FUT8: variants seen among roughly 807,000 people sequenced by gnomAD.
FUT8 encodes the protein fucosyltransferase 8, also known as alpha-(1,6)-fucosyltransferase.
FUT8 carries 29 observed loss-of-function variants against 71.3 expected under a neutral mutation model. The observed-to-expected ratio is 0.41, with a 90% CI of 0.30 to 0.55. The LOEUF (loss-of-function observed/expected upper bound fraction) is 0.55, where lower values mean the gene tolerates loss of function less well. Among genes scored for constraint, FUT8 ranks in the 20% least tolerant of loss-of-function variants. The pLI is 0.34. For synonymous variants in FUT8, 254 were observed against 239.3 expected, an observed-to-expected ratio of 1.06 and a Z score of -0.57; for missense variants, 544 against 702.1, an observed-to-expected ratio of 0.77 and a Z score of 2.55.
chr14:65,720,433 C>T (rs1895357050), intron 7 of FUT8, among the ~76,000 whole-genome samples: 1 of 152,318 alleles, frequency 6.6e-6, no homozygotes, highest in East Asian at 1.9e-4. Flanking sequence ...TCAGGAACCC[C>T]AAGAGCCCAC....
upstream of FUT8, chr14:65,412,493 C>A (rs569417300): frequency 5.4e-6 from 2 of 368,444 alleles, no homozygotes; most frequent in Admixed American, 3.5e-5. Flanking sequence ...GGGCGGCCTA[C>A]GCCTGTGTGC....
At position 65,413,476 on chromosome 14, in the gene FUT8, C is replaced by A. The variant is rs1276717797; in HGVS notation, c.-326+262C>A. ...CTCCAGCCGGGACGCGGAGCTGCGC[C>A]GCTGCTGCCCTCGGCGTCGCGCATC... is the stretch of plus-strand genomic sequence containing the variant. On this transcript the variant is annotated intron_variant, in intron 1 of 10. Transcript: ENST00000673929. The surrounding 1 kb of genome is among the most constrained non-coding windows in gnomAD (Gnocchi z 4.1). Among the ~76,000 whole-genome samples, 1 of 151,598 alleles carries A rather than the reference C, an allele frequency of 6.6e-6. No individual in the cohort carries two copies. The highest frequency in any genetic ancestry group is 6.6e-5 in the Admixed American group (1 of 15,258).
chr14:65,741,992 A>G lies in FUT8; in HGVS notation c.1411-101A>G, dbSNP rs1192197881. On this transcript the variant is annotated intron_variant, in intron 10 of 10. Transcript: ENST00000673929. ...TGTGACTAGAATCCACTACTTTTCA[A>G]CCTCTTACTCCTAGAGCCCATCCTT... 3.4e-6 allele frequency: 3 copies of G among 885,332 alleles called. No homozygotes were observed. In the African/African-American group the frequency reaches 5.1e-5, roughly 15 times the overall value. 54.8% of individuals were successfully genotyped at this position (885,332 alleles called of 1,614,324 possible).
intron 2 of FUT8, among the ~76,000 whole-genome samples, chr14:65,518,073 T>G (rs995019080): frequency 1.3e-5 from 2 of 152,248 alleles, no homozygotes; most frequent in Non-Finnish European, 2.9e-5. Context: ...ATAAGTCTTT[T>G]ATGAATTTAG....
At chr14:65,710,835 GAAGT>G (rs1182251429) in intron 7 of FUT8, among the ~76,000 whole-genome samples, 2 of 152,206 alleles carry the variant, frequency 1.3e-5, no homozygotes, top group Non-Finnish European at 2.9e-5. Flanking sequence ...GGCTGTGTAA[GAAGT>G]ATGGTGCCAG....
chr14:65,695,749 G>C (rs78022787), intron 7 of FUT8, among the ~76,000 whole-genome samples: 62 of 151,948 alleles, frequency 4.1e-4, no homozygotes, highest in East Asian at 1.5e-3. Context: ...AGCAGTTATT[G>C]ATATAGTTGG....
chr14:65,420,311 CT>C (rs1177694465), intron 1 of FUT8, among the ~76,000 whole-genome samples: 5 of 151,672 alleles, frequency 3.3e-5, no homozygotes, highest in Non-Finnish European at 5.9e-5. Context: ...GAGATGAGGT[CT>C]TGCTCTGTTG....
At chr14:65,670,836 G>A (rs1472646149) in intron 7 of FUT8, among the ~76,000 whole-genome samples, 2 of 152,136 alleles carry the variant, frequency 1.3e-5, no homozygotes, top group Non-Finnish European at 2.9e-5. Flanking sequence ...TGGATTAAAA[G>A]TATTGTGTTT....
At chr14:65,448,371 CGTTT>C (rs1186281785) in intron 1 of FUT8, among the ~76,000 whole-genome samples, 1 of 152,084 alleles carries the variant, frequency 6.6e-6, no homozygotes, top group Non-Finnish European at 1.5e-5. Context: ...TCAGGAGGAT[CGTTT>C]GTTCTGTTCT....
intron 2 of FUT8, among the ~76,000 whole-genome samples, chr14:65,537,879 A>G (rs557782598): frequency 4.5e-4 from 68 of 152,320 alleles, no homozygotes; most frequent in African/African-American, 1.5e-3. Flanking sequence ...TCGGACTGCT[A>G]GTCACAACAC....
chr14:65,640,232 C>T (rs1024507718), intron 6 of FUT8, among the ~76,000 whole-genome samples: 1 of 151,322 alleles, frequency 6.6e-6, no homozygotes, highest in Non-Finnish European at 1.5e-5. Context: ...AATAAAAGGA[C>T]CAAACCAATG....
chr14:65,365,809 T>C, the FUT8 span, among the ~76,000 whole-genome samples: 1 of 152,090 alleles, frequency 6.6e-6, no homozygotes, highest in Non-Finnish European at 1.5e-5. Flanking sequence ...GCTCTGCCTA[T>C]GGAGTAGCAT....
At chr14:65,647,522 A>G (rs1053140868) in intron 6 of FUT8, among the ~76,000 whole-genome samples, 6 of 152,158 alleles carry the variant, frequency 3.9e-5, no homozygotes, top group African/African-American at 7.2e-5. Flanking sequence ...AGAATGTAGA[A>G]TTATGTGCTA....
At chr14:65,392,028 G>C in the FUT8 span, among the ~76,000 whole-genome samples, 1 of 152,048 alleles carries the variant, frequency 6.6e-6, no homozygotes, top group Non-Finnish European at 1.5e-5. Flanking sequence ...CACCTCCCAT[G>C]TTCAAGTGAT....
At chr14:65,689,653 C>T (rs898605871) in intron 7 of FUT8, among the ~76,000 whole-genome samples, 2 of 152,222 alleles carry the variant, frequency 1.3e-5, no homozygotes, top group African/African-American at 4.8e-5. Flanking sequence ...ATTCTTCTGC[C>T]TCAGCCTCCC....
intron 1 of FUT8, among the ~76,000 whole-genome samples, chr14:65,435,659 G>A (rs1282053145): frequency 6.6e-6 from 1 of 152,138 alleles, no homozygotes; most frequent in African/African-American, 2.4e-5. Flanking sequence ...GTAAGCATAT[G>A]TGTAATTTTG....
At chr14:65,421,082 A>G (rs1246194258) in intron 1 of FUT8, among the ~76,000 whole-genome samples, 1 of 151,108 alleles carries the variant, frequency 6.6e-6, no homozygotes, top group African/African-American at 2.4e-5. Flanking sequence ...AGTCTCAGCT[A>G]TTCAGGAGGC....
At chr14:65,733,207 C>G (rs1309827773) in intron 9 of FUT8, 24 bp from the exon 10 acceptor site, 3 of 1,486,796 alleles carry the variant, frequency 2.0e-6, no homozygotes, top group Non-Finnish European at 2.8e-6. Flanking sequence ...CTATGACCAT[C>G]TATAAATTAA....
At chr14:65,673,092 A>G (rs929244577) in intron 7 of FUT8, among the ~76,000 whole-genome samples, 1 of 152,266 alleles carries the variant, frequency 6.6e-6, no homozygotes, top group Non-Finnish European at 1.5e-5. Context: ...AATAATGACT[A>G]GTAAAAAAAT....
Sources: allele counts gnomAD v4.1 joint callset (sites outside exome capture counted in the v4.1 genomes callset), GRCh38; gene constraint gnomAD v4.1.1; non-coding constraint Gnocchi (gnomAD v3.1); transcripts MANE v1.5; gene names NCBI Gene and HGNC (gene_info 2026-07-23, HGNC 2026-07-21).